The following RGS7 variants were observed in gnomAD, a reference collection of about 807,000 sequenced individuals.
RGS7 encodes regulator of G-protein signaling 7.
A neutral mutation model predicts 81.1 loss-of-function variants in RGS7; 27 were observed. The ratio of observed to expected loss-of-function variants is 0.33; its 90% CI spans 0.25 to 0.46. The LOEUF is 0.46. Ranked by LOEUF, RGS7 falls within the 20% of genes least tolerant of loss-of-function variation. The pLI is 1.00. For missense variants in RGS7, 396 were observed against 607.4 expected (o/e 0.65, Z 3.66); for synonymous variants, 208 against 207.7 (o/e 1.00, Z -0.01).
At chr1:240,857,992 T>C (rs931187835) in intron 9 of RGS7, among the ~76,000 whole-genome samples, 18 of 152,360 alleles carry the variant, frequency 1.2e-4, no homozygotes, top group African/African-American at 3.8e-4. Context: ...TCTGCCATGA[T>C]TGTAAGTTTC....
intron 3 of RGS7, among the ~76,000 whole-genome samples, chr1:241,092,572 T>C (rs553451205): frequency 6.6e-6 from 1 of 152,350 alleles, no homozygotes; most frequent in African/African-American, 2.4e-5. Context: ...AGTTATTTTT[T>C]CAATTTGAAG....
At chr1:241,242,949 T>C (rs2076335643) in intron 2 of RGS7, among the ~76,000 whole-genome samples, 1 of 152,236 alleles carries the variant, frequency 6.6e-6, no homozygotes, top group South Asian at 2.1e-4. Context: ...ATACTGCTGA[T>C]TATTTCTTCT....
chr1:241,265,786 C>CTTTTT (rs577669455), intron 2 of RGS7, among the ~76,000 whole-genome samples: 1 of 90,232 alleles, frequency 1.1e-5, no homozygotes, highest in Non-Finnish European at 2.0e-5. Flanking sequence ...TTTCCTCGTC[C>CTTTTT]TTTTTTTTTT....
At chr1:240,909,501 A>G (rs940358816) in intron 6 of RGS7, among the ~76,000 whole-genome samples, 1 of 152,176 alleles carries the variant, frequency 6.6e-6, no homozygotes, top group Non-Finnish European at 1.5e-5. Flanking sequence ...TAACACAGCC[A>G]TGGAATCTTT....
chr1:241,335,443 G>A (rs558759210), intron 2 of RGS7, among the ~76,000 whole-genome samples: 2 of 152,292 alleles, frequency 1.3e-5, no homozygotes, highest in East Asian at 1.9e-4. Flanking sequence ...ACAGCAAACT[G>A]CAAAACTGCC....
At chr1:240,958,716 C>G (rs1436676246) in intron 4 of RGS7, among the ~76,000 whole-genome samples, 1 of 151,682 alleles carries the variant, frequency 6.6e-6, no homozygotes, top group African/African-American at 2.4e-5. Flanking sequence ...CTCCGTACCT[C>G]TCCTTTAACA....
intron 1 of RGS7, among the ~76,000 whole-genome samples, 152 bp downstream of exon 1, chr1:241,356,747 G>T (rs2083602545): frequency 6.7e-6 from 1 of 149,124 alleles, no homozygotes. Flanking sequence ...TGCGCGCGGC[G>T]CCCGTAGCCC....
chr1:241,251,011 A>G (rs983419349), intron 2 of RGS7, among the ~76,000 whole-genome samples: 2 of 152,240 alleles, frequency 1.3e-5, no homozygotes, highest in Non-Finnish European at 2.9e-5. Context: ...ATGGAAACTG[A>G]TATCTGTTGA....
At chr1:240,894,413 C>T (rs1368894297) in intron 6 of RGS7, among the ~76,000 whole-genome samples, 1 of 151,958 alleles carries the variant, frequency 6.6e-6, no homozygotes, top group Non-Finnish European at 1.5e-5. Flanking sequence ...TACTGAAACC[C>T]CTCTCATGTG....
At chr1:241,098,888 T>C in intron 2 of RGS7, 126 bp from the exon 3 acceptor site, 1 of 708,600 alleles carries the variant, frequency 1.4e-6, no homozygotes, top group African/African-American at 1.8e-5. Context: ...CTTGCCTTTC[T>C]AGTTTTTGCC....
chr1:241,290,437 C>T (rs149209469), intron 2 of RGS7, among the ~76,000 whole-genome samples: 2 of 152,292 alleles, frequency 1.3e-5, no homozygotes, highest in African/African-American at 2.4e-5. Flanking sequence ...ATATGTGATC[C>T]GTTTATCTCT....
At chr1:241,285,658 C>T (rs2078766978) in intron 2 of RGS7, among the ~76,000 whole-genome samples, 1 of 152,152 alleles carries the variant, frequency 6.6e-6, no homozygotes, top group African/African-American at 2.4e-5. Context: ...AGGTTTCAAA[C>T]CCAAGAAGTC....
At chr1:241,301,549 G>C (rs185752504) in intron 2 of RGS7, among the ~76,000 whole-genome samples, 68 of 152,368 alleles carry the variant, frequency 4.5e-4, no homozygotes, top group Middle Eastern at 6.8e-3. Context: ...AGTTGTGTAA[G>C]TGTTTGCTGA....
intron 6 of RGS7, among the ~76,000 whole-genome samples, chr1:240,870,503 C>G (rs1026336901): frequency 1.3e-5 from 2 of 152,106 alleles, no homozygotes; most frequent in South Asian, 4.2e-4. Flanking sequence ...CCAAGCCTAG[C>G]TAATTTTATC....
intron 9 of RGS7, among the ~76,000 whole-genome samples, chr1:240,840,279 CTTT>C (rs879372018): frequency 6.8e-6 from 1 of 146,286 alleles, no homozygotes; most frequent in African/African-American, 2.5e-5. Flanking sequence ...CTTTTCTTTT[CTTT>C]TTTTTTTTTG....
At chr1:241,314,729 A>C (rs1273278074) in intron 2 of RGS7, among the ~76,000 whole-genome samples, 2 of 152,218 alleles carry the variant, frequency 1.3e-5, no homozygotes, top group African/African-American at 4.8e-5. Context: ...TAAAAGAAGT[A>C]GAGCTGTGGT....
intron 2 of RGS7, among the ~76,000 whole-genome samples, chr1:241,145,021 CTT>C (rs570368254): frequency 7.2e-6 from 1 of 139,728 alleles, no homozygotes; most frequent in Non-Finnish European, 1.6e-5. Flanking sequence ...GTCGATGAAA[CTT>C]TTTTTTTTTT....
rs574143682 is a variant in RGS7 at position 240,968,962 on chromosome 1, G to A, written c.226+14117C>T. Among the ~76,000 whole-genome samples the A allele has an allele frequency of 2.6e-5, 4 of 152,194 alleles. No homozygotes were observed. In the East Asian group the frequency reaches 5.8e-4, roughly 22 times the overall value. On this transcript the variant is annotated intron_variant, in intron 4 of 18. Coordinates refer to ENST00000440928, the MANE Select transcript of RGS7 (RefSeq NM_001364886.1). ...CCTCATCTGGGAAATAAGAAATACC[G>A]CATTATCTTTAATAAAAGATAAAGG...
At chr1:241,170,406 G>A (rs923151364) in intron 2 of RGS7, among the ~76,000 whole-genome samples, 1 of 152,034 alleles carries the variant, frequency 6.6e-6, no homozygotes, top group Non-Finnish European at 1.5e-5. Flanking sequence ...ATAATTAGGT[G>A]CAATCATGAT....
Sources: allele counts gnomAD v4.1 joint callset (sites outside exome capture counted in the v4.1 genomes callset), GRCh38; gene constraint gnomAD v4.1.1; transcripts MANE v1.5; gene names NCBI Gene and HGNC (gene_info 2026-07-23, HGNC 2026-07-21).